The following CCDC85A variants were observed in gnomAD, a reference collection of about 807,000 sequenced individuals.
The protein encoded by CCDC85A is coiled-coil domain-containing protein 85A.
In CCDC85A, 38 loss-of-function variants were observed where a neutral mutation model predicts 50.2. The ratio of observed to expected loss-of-function variants is 0.76; its 90% CI spans 0.58 to 0.99. The LOEUF (loss-of-function observed/expected upper bound fraction) is 0.99. Ranked by LOEUF, CCDC85A falls within the 50% of genes least tolerant of loss-of-function variation. CCDC85A has a pLI of 0.00. For missense variants in CCDC85A, 820 were observed against 742.0 expected (o/e 1.11, Z -1.22); for synonymous variants, 366 against 301.4 (o/e 1.21, Z -2.22).
chr2:56,373,112 G>A (rs1676163649), intron 4 of CCDC85A, among the ~76,000 whole-genome samples: 1 of 152,130 alleles, frequency 6.6e-6, no homozygotes, highest in South Asian at 2.1e-4. Context: ...AGTAGAATGA[G>A]GTGCTTCATT....
At chr2:56,186,817 A>G (rs1676068138) in intron 1 of CCDC85A, among the ~76,000 whole-genome samples, 2 of 152,274 alleles carry the variant, frequency 1.3e-5, no homozygotes, top group African/African-American at 4.8e-5. Context: ...GTAGAGAAGT[A>G]GCTATTAGGT....
At chr2:56,264,279 A>G (rs1670343037) in intron 2 of CCDC85A, among the ~76,000 whole-genome samples, 1 of 152,120 alleles carries the variant, frequency 6.6e-6, no homozygotes, top group South Asian at 2.1e-4. Flanking sequence ...CTCCTTGAAT[A>G]TCCAGCAGGT....
intron 2 of CCDC85A, among the ~76,000 whole-genome samples, chr2:56,304,096 G>A (rs1672325310): frequency 6.6e-6 from 1 of 152,128 alleles, no homozygotes; most frequent in South Asian, 2.1e-4. Context: ...AACTGTGATT[G>A]TTCCTTGCAT....
At chr2:56,255,011 A>T (rs375489870) in intron 2 of CCDC85A, among the ~76,000 whole-genome samples, 1 of 152,130 alleles carries the variant, frequency 6.6e-6, no homozygotes, top group Non-Finnish European at 1.5e-5. Context: ...TCTGTTCTTT[A>T]TAGGTATTCT....
intron 2 of CCDC85A, among the ~76,000 whole-genome samples, chr2:56,283,710 G>C (rs1671304023): frequency 6.6e-6 from 1 of 152,096 alleles, no homozygotes; most frequent in Admixed American, 6.5e-5. Flanking sequence ...TATGAGTTGT[G>C]ATATCTGTAG....
chr2:56,286,400 T>A (rs989813007), intron 2 of CCDC85A, among the ~76,000 whole-genome samples: 10 of 152,144 alleles, frequency 6.6e-5, no homozygotes, highest in Admixed American at 2.6e-4. Context: ...AGGCTGTTTT[T>A]AAAAAATTTT....
At chr2:56,198,146 C>G (rs1186274574) in intron 2 of CCDC85A, among the ~76,000 whole-genome samples, 1 of 152,194 alleles carries the variant, frequency 6.6e-6, no homozygotes, top group Non-Finnish European at 1.5e-5. Flanking sequence ...GTCAGATAAC[C>G]TGTATGTGGA....
intron 2 of CCDC85A, among the ~76,000 whole-genome samples, chr2:56,252,662 A>G (rs189849814): frequency 1.3e-5 from 2 of 152,192 alleles, no homozygotes; most frequent in Admixed American, 1.3e-4. Context: ...CATCTACATT[A>G]GGTATTTCTC....
At chr2:56,366,045 T>G (rs1369505301) in intron 3 of CCDC85A, among the ~76,000 whole-genome samples, 2 of 152,196 alleles carry the variant, frequency 1.3e-5, no homozygotes, top group African/African-American at 2.4e-5. Context: ...TCATTTAGTG[T>G]AATGTCCTCC....
intron 2 of CCDC85A, among the ~76,000 whole-genome samples, chr2:56,316,974 T>TA (rs1257200429): frequency 6.6e-6 from 1 of 152,160 alleles, no homozygotes; most frequent in Admixed American, 6.6e-5. Context: ...AAACCAGAGT[T>TA]ACGATTTTTC....
intron 2 of CCDC85A, among the ~76,000 whole-genome samples, chr2:56,223,829 C>A (rs1439605889): frequency 6.6e-6 from 1 of 152,142 alleles, no homozygotes; most frequent in African/African-American, 2.4e-5. Flanking sequence ...TATGAGGGAT[C>A]AGTTCTTTCC....
At chr2:56,313,250 T>C (rs895905661) in intron 2 of CCDC85A, among the ~76,000 whole-genome samples, 2 of 152,136 alleles carry the variant, frequency 1.3e-5, no homozygotes, top group Non-Finnish European at 1.5e-5. Flanking sequence ...TTAAGTAATA[T>C]TTATATTTTT....
intron 2 of CCDC85A, among the ~76,000 whole-genome samples, chr2:56,236,692 A>G (rs887482831): frequency 6.6e-6 from 1 of 152,222 alleles, no homozygotes; most frequent in Non-Finnish European, 1.5e-5. Flanking sequence ...ACAAGATTAA[A>G]TAAGCATTAG....
chr2:56,321,675 C>T (rs1673195275), intron 2 of CCDC85A, among the ~76,000 whole-genome samples: 2 of 152,176 alleles, frequency 1.3e-5, no homozygotes, highest in African/African-American at 4.8e-5. Context: ...GTTCCATGCT[C>T]GTGGATACGA....
intron 3 of CCDC85A, among the ~76,000 whole-genome samples, chr2:56,361,147 G>A (rs886440124): frequency 2.0e-5 from 3 of 152,042 alleles, no homozygotes; most frequent in Non-Finnish European, 2.9e-5. Flanking sequence ...CCAGCTACTC[G>A]GGAGGCTGAG....
intron 2 of CCDC85A, among the ~76,000 whole-genome samples, chr2:56,274,987 T>C (rs1379607802): frequency 6.6e-6 from 1 of 152,152 alleles, no homozygotes; most frequent in Non-Finnish European, 1.5e-5. Context: ...TCTGTTCTTA[T>C]AAGGACACTA....
chr2:56,208,985 G>A (rs920219459), intron 2 of CCDC85A, among the ~76,000 whole-genome samples: 5 of 151,998 alleles, frequency 3.3e-5, no homozygotes, highest in African/African-American at 1.2e-4. Context: ...CATGTATACT[G>A]GCCCAGGGTC....
At chr2:56,301,476 A>C (rs1425468607) in intron 2 of CCDC85A, among the ~76,000 whole-genome samples, 1 of 152,206 alleles carries the variant, frequency 6.6e-6, no homozygotes, top group African/African-American at 2.4e-5. Flanking sequence ...ATTTTATATA[A>C]GTGCCCCTCC....
intron 2 of CCDC85A, among the ~76,000 whole-genome samples, chr2:56,315,498 G>C (rs565643478): frequency 1.3e-5 from 2 of 152,134 alleles, no homozygotes; most frequent in African/African-American, 4.8e-5. Context: ...TATTGTGCCA[G>C]ACACTGTGGG....
Sources: gnomAD v4.1 joint callset for allele counts (sites outside exome capture counted in the v4.1 genomes callset) on GRCh38, gnomAD v4.1.1 for gene constraint, MANE v1.5 for transcripts, NCBI Gene and HGNC (gene_info 2026-07-23, HGNC 2026-07-21) for gene names.